Variants in ZHX2 observed in about 807,000 individuals in gnomAD.
The protein encoded by ZHX2 is zinc fingers and homeoboxes 2, also known as zinc fingers and homeoboxes protein 2.
In ZHX2, 6 loss-of-function variants were observed where a neutral mutation model predicts 21.9. That is an observed-to-expected ratio of 0.27 (90% CI 0.15 to 0.54). The LOEUF is 0.54. ZHX2 is among the 20% of genes least tolerant of loss of function. ZHX2 has a pLI of 0.95. For synonymous variants in ZHX2, 434 were observed against 437.1 expected (o/e 0.99, Z 0.09); for missense variants, 908 against 1,090.7 (o/e 0.83, Z 2.36).
intron 1 of ZHX2, among the ~76,000 whole-genome samples, chr8:122,861,035 C>CAAAAA: frequency 4.5e-5 from 3 of 66,764 alleles, no homozygotes; most frequent in Non-Finnish European, 8.2e-5. Context: ...GACTTCGTCT[C>CAAAAA]AAAAAAAAAA....
intron 1 of ZHX2, among the ~76,000 whole-genome samples, chr8:122,826,707 C>T (rs1042705623): frequency 4.6e-5 from 7 of 152,118 alleles, no homozygotes; most frequent in African/African-American, 1.7e-4. Flanking sequence ...GGGCGATTGT[C>T]TTTGGAAAGG....
intron 3 of ZHX2, among the ~76,000 whole-genome samples, chr8:122,967,725 C>A (rs1325972522): frequency 6.6e-6 from 1 of 152,206 alleles, no homozygotes; most frequent in East Asian, 1.9e-4. Flanking sequence ...TCCTTTGAAG[C>A]AAGGTTGTTC....
chr8:122,825,648 T>G (rs1298009361), intron 1 of ZHX2, among the ~76,000 whole-genome samples: 1 of 152,178 alleles, frequency 6.6e-6, no homozygotes, highest in African/African-American at 2.4e-5. Context: ...ACCTCTAAGT[T>G]CCCTTCTTAC....
intron 1 of ZHX2, among the ~76,000 whole-genome samples, chr8:122,854,868 C>T (rs575767741): frequency 6.6e-6 from 1 of 152,222 alleles, no homozygotes; most frequent in Admixed American, 6.5e-5. Flanking sequence ...CTTTTAAATA[C>T]TTGTGTGTAC....
chr8:122,932,245 A>G (rs1821012312), intron 2 of ZHX2, among the ~76,000 whole-genome samples: 1 of 152,214 alleles, frequency 6.6e-6, no homozygotes, highest in Admixed American at 6.5e-5. Context: ...TGCCCACTGT[A>G]TTAGTTTCCA....
chr8:122,789,345 G>A lies in ZHX2; in HGVS notation c.-283+7399G>A, dbSNP rs557942013. Among the ~76,000 whole-genome samples, 332 of 152,334 alleles carry A rather than the reference G, an allele frequency of 2.2e-3. 1 individual carries two copies. The highest frequency in any genetic ancestry group is 0.01 in the Middle Eastern group (3 of 294). ...TGTTCTTAAAATATGAGACTGGGCT[G>A]AATTGCTCTAAGGACAAAGCCATCT... On this transcript the variant is annotated intron_variant, in intron 1 of 3. Coordinates refer to ENST00000314393, the MANE Select transcript of ZHX2 (RefSeq NM_014943.5).
In ZHX2 at chr8:122,781,688, A is replaced by C. The variant is rs1379200306; in HGVS notation, c.-541A>C. ...TTTGGCGTAGATTCCCCACTGATCGAGGCATTTTTTTTCCCTTTTTTTTTC... is the reference window on the plus strand; with the variant it reads ...TTTGGCGTAGATTCCCCACTGATCGCGGCATTTTTTTTCCCTTTTTTTTTC... On this transcript the variant is annotated 5_prime_UTR_variant, in exon 1 of 4. Coordinates refer to ENST00000314393, the MANE Select transcript of ZHX2 (RefSeq NM_014943.5). The surrounding 1 kb of genome is among the most constrained non-coding windows in gnomAD (Gnocchi z 4.6). 1 of 150,458 alleles carries C rather than the reference A, an allele frequency of 6.6e-6. No homozygotes were observed. Among genetic ancestry groups the C allele is most frequent in the Non-Finnish European group, 1.5e-5 (1 of 67,628 alleles). The allele number at this position is 150,458 out of a possible 1,614,324, so 9.3% of individuals were successfully genotyped here. A position where few individuals can be genotyped will look rare whatever the true frequency, so the allele number is the denominator to read the frequency against.
In ZHX2 at chr8:122,952,050, G is replaced by A. The variant is rs775324160; in HGVS notation, c.540G>A (p.Ser180=). The change falls in exon 3 of 4, where the codon TCG becomes TCA. Residue 180 remains serine, a synonymous_variant. Coordinates refer to ENST00000314393, the MANE Select transcript of ZHX2 (RefSeq NM_014943.5). The surrounding 1 kb of genome is among the most constrained non-coding windows in gnomAD (Gnocchi z 6.9). ...PGTGDSDSGI[S]VSKTPIMKPG... is the part of the protein sequence containing the mutation. The stretch of plus-strand genomic sequence containing the variant: ...CTGGTGACAGTGATTCTGGGATCTC[G>A]GTGAGTAAAACCCCCATCATGAAGC... 2.9e-5 allele frequency: 47 copies of A among 1,613,150 alleles called. No homozygotes were observed. Among genetic ancestry groups the A allele is most frequent in the Middle Eastern group, 3.3e-4 (2 of 6,084 alleles).
intron 1 of ZHX2, among the ~76,000 whole-genome samples, chr8:122,861,736 C>T (rs1209385810): frequency 6.6e-6 from 1 of 152,190 alleles, no homozygotes; most frequent in Non-Finnish European, 1.5e-5. Context: ...AGTCAATTAA[C>T]CTCTCTGTTT....
chr8:122,944,701 T>C (rs1156466802), intron 2 of ZHX2, among the ~76,000 whole-genome samples: 1 of 152,228 alleles, frequency 6.6e-6, no homozygotes, highest in East Asian at 1.9e-4. Flanking sequence ...AGGTGCTCTG[T>C]CAGTGTTTGT....
chr8:122,808,019 T>A (rs1817856679), intron 1 of ZHX2, among the ~76,000 whole-genome samples: 1 of 152,234 alleles, frequency 6.6e-6, no homozygotes, highest in South Asian at 2.1e-4. Flanking sequence ...AGAGTTCAAA[T>A]GGCCTTAGTG....
intron 1 of ZHX2, among the ~76,000 whole-genome samples, chr8:122,850,140 A>G (rs1818852416): frequency 6.6e-6 from 1 of 152,060 alleles, no homozygotes; most frequent in Non-Finnish European, 1.5e-5. Flanking sequence ...ACTTCATTCC[A>G]TCCATAAATC....
In ZHX2 at chr8:122,964,203, G is replaced by A. The variant is rs558122563; in HGVS notation, c.*5-9039G>A. Among the ~76,000 whole-genome samples the A allele has an allele frequency of 2.0e-5, 3 of 152,234 alleles. 1 individual carries two copies. The South Asian group carries it at 6.2e-4, about 32-fold the overall frequency. ...GTGTTGAATAAAAGTGGGGAAAGTG[G>A]ACATCTTTGTCTTGTTCCGGTTTTC... On this transcript the variant is annotated intron_variant, in intron 3 of 3. Coordinates refer to ENST00000314393, the MANE Select transcript of ZHX2 (RefSeq NM_014943.5).
chr8:122,967,884 A>G (rs532892997), intron 3 of ZHX2, among the ~76,000 whole-genome samples: 1 of 152,310 alleles, frequency 6.6e-6, no homozygotes, highest in African/African-American at 2.4e-5. Flanking sequence ...GGCAATGGAC[A>G]GGACCACAGA....
chr8:122,885,726 A>AC (rs894045366), intron 2 of ZHX2, among the ~76,000 whole-genome samples: 1 of 152,062 alleles, frequency 6.6e-6, no homozygotes, highest in Non-Finnish European at 1.5e-5. Context: ...CACATGACAG[A>AC]CCCCCCAACT....
At chr8:122,969,078 T>G (rs1813655624) in intron 3 of ZHX2, among the ~76,000 whole-genome samples, 1 of 151,964 alleles carries the variant, frequency 6.6e-6, no homozygotes, top group Non-Finnish European at 1.5e-5. Context: ...TGAGAATTGC[T>G]TGAGCCCAGG....
intron 1 of ZHX2, among the ~76,000 whole-genome samples, chr8:122,796,282 T>C (rs1817612674): frequency 6.6e-6 from 1 of 152,146 alleles, no homozygotes; most frequent in African/African-American, 2.4e-5. Flanking sequence ...CAACGGGAAC[T>C]AGTAACAGCA....
chr8:122,849,802 A>T (rs1323982942), intron 1 of ZHX2, among the ~76,000 whole-genome samples: 1 of 152,220 alleles, frequency 6.6e-6, no homozygotes, highest in Non-Finnish European at 1.5e-5. Context: ...AGCCACGATC[A>T]ACCCATTACA....
intron 2 of ZHX2, among the ~76,000 whole-genome samples, chr8:122,923,880 C>G (rs1820792855): frequency 6.6e-6 from 1 of 152,170 alleles, no homozygotes; most frequent in African/African-American, 2.4e-5. Flanking sequence ...TAACCACCAC[C>G]CCTCAGCTTC....
Sources: gnomAD v4.1 joint callset for allele counts (sites outside exome capture counted in the v4.1 genomes callset) on GRCh38, gnomAD v4.1.1 for gene constraint, Gnocchi (gnomAD v3.1) non-coding constraint, MANE v1.5 for transcripts, NCBI Gene and HGNC (gene_info 2026-07-23, HGNC 2026-07-21) for gene names.